ATP2B2: variants seen among roughly 807,000 people sequenced by gnomAD.
ATP2B2 encodes plasma membrane calcium-transporting ATPase 2.
ATP2B2 carries 15 observed loss-of-function variants against 120.0 expected under a neutral mutation model. That is an observed-to-expected ratio of 0.12 (90% confidence interval 0.08 to 0.19). The LOEUF (loss-of-function observed/expected upper bound fraction) is 0.19, where lower values mean the gene tolerates loss of function less well. ATP2B2 is among the 10% of genes least tolerant of loss of function. The probability of loss-of-function intolerance (pLI) is 1.00; values close to 1 mark genes in which losing one functional copy is unlikely to be tolerated. For synonymous variants in ATP2B2, 694 were observed against 700.3 expected, an observed-to-expected ratio of 0.99 and a Z score of 0.14; for missense variants, 1,045 against 1,719.8, an observed-to-expected ratio of 0.61 and a Z score of 6.94.
chr3:10,463,646 G>T (rs542217570), intron 1 of ATP2B2, among the ~76,000 whole-genome samples: 13 of 152,344 alleles, frequency 8.5e-5, no homozygotes, highest in East Asian at 1.9e-4. Context: ...CTGGATCACA[G>T]TGTTACACAG....
intron 12 of ATP2B2, 71 bp downstream of exon 12, chr3:10,371,738 A>G: frequency 6.2e-7 from 1 of 1,611,048 alleles, no homozygotes; most frequent in Non-Finnish European, 8.5e-7. Context: ...ACATTGCTCA[A>G]CCTGCCCAGT....
At chr3:10,636,326 T>C (rs1048903480) in intron 1 of ATP2B2, among the ~76,000 whole-genome samples, 3 of 152,120 alleles carry the variant, frequency 2.0e-5, no homozygotes, top group Admixed American at 2.0e-4. Context: ...GCCTCTCCTC[T>C]TGGGACTTGT....
chr3:10,640,562 C>A (rs2070144077), intron 1 of ATP2B2, among the ~76,000 whole-genome samples: 1 of 152,284 alleles, frequency 6.6e-6, no homozygotes, highest in East Asian at 1.9e-4. Flanking sequence ...TCTCAGGGAT[C>A]TGAGACCTGG....
At chr3:10,336,182 G>A (rs781524123) in intron 22 of ATP2B2, 11 of 1,550,558 alleles carry the variant, frequency 7.1e-6, no homozygotes, top group African/African-American at 4.1e-5. Context: ...ATTGGACAAC[G>A]ACACGCGACT....
intron 2 of ATP2B2, among the ~76,000 whole-genome samples, chr3:10,416,397 A>G (rs376858671): frequency 2.0e-5 from 3 of 152,162 alleles, no homozygotes; most frequent in Admixed American, 6.5e-5. Flanking sequence ...TTTTTAGCCA[A>G]TTCTGGCTCC....
At chr3:10,479,272 T>C (rs959752716) in intron 1 of ATP2B2, among the ~76,000 whole-genome samples, 1 of 151,952 alleles carries the variant, frequency 6.6e-6, no homozygotes, top group Non-Finnish European at 1.5e-5. Context: ...AAGCACTGGG[T>C]GGCCTGGCCT....
At chr3:10,460,083 T>G (rs1292358346) in intron 1 of ATP2B2, among the ~76,000 whole-genome samples, 1 of 152,230 alleles carries the variant, frequency 6.6e-6, no homozygotes, top group Non-Finnish European at 1.5e-5. Flanking sequence ...CCTCTGACCA[T>G]GGAGGGCTGG....
At chr3:10,586,913 C>T (rs1490849867) in intron 2 of ATP2B2, among the ~76,000 whole-genome samples, 1 of 152,206 alleles carries the variant, frequency 6.6e-6, no homozygotes, top group Non-Finnish European at 1.5e-5. Context: ...TCAGTGGGCT[C>T]TCCCCTGGCC....
intron 1 of ATP2B2, among the ~76,000 whole-genome samples, chr3:10,700,830 C>A (rs1646267168): frequency 6.6e-6 from 1 of 152,196 alleles, no homozygotes; most frequent in South Asian, 2.1e-4. Flanking sequence ...ACTCAGAGAA[C>A]CAGACTGAGG....
intron 2 of ATP2B2, among the ~76,000 whole-genome samples, chr3:10,587,747 T>TTTTG (rs71055825): frequency 3.9e-4 from 59 of 150,970 alleles, no homozygotes; most frequent in Non-Finnish European, 5.8e-4. Context: ...TTTCTGGTTT[T>TTTTG]TTTGTTTGTT....
At chr3:10,491,965 T>C (rs553148630) in intron 1 of ATP2B2, among the ~76,000 whole-genome samples, 12 of 152,254 alleles carry the variant, frequency 7.9e-5, no homozygotes, top group East Asian at 5.8e-4. Context: ...CATCCCAGAA[T>C]TGACAAAATA....
chr3:10,658,346 G>C (rs6442190), intron 1 of ATP2B2, among the ~76,000 whole-genome samples: 1 of 152,062 alleles, frequency 6.6e-6, no homozygotes, highest in South Asian at 2.1e-4. Flanking sequence ...AAAACCTTGA[G>C]AAAAGATTAG....
At chr3:10,701,158 TGA>T (rs2071811645) in intron 1 of ATP2B2, among the ~76,000 whole-genome samples, 1 of 152,204 alleles carries the variant, frequency 6.6e-6, no homozygotes, top group Non-Finnish European at 1.5e-5. Context: ...ACTGATTTGC[TGA>T]GAGAGTAGAA....
chr3:10,414,750 G>A (rs57986330), intron 2 of ATP2B2, among the ~76,000 whole-genome samples: 15,308 of 152,058 alleles, frequency 0.1, 2,574 homozygotes, highest in African/African-American at 0.34. Context: ...GTGAGGGGTC[G>A]GCACAGAGCA....
chr3:10,344,555 C>T (rs1171285030), intron 18 of ATP2B2, among the ~76,000 whole-genome samples: 1 of 152,210 alleles, frequency 6.6e-6, no homozygotes, highest in African/African-American at 2.4e-5. Flanking sequence ...ATGGGCTTGT[C>T]TGCCCAGGTG....
intron 6 of ATP2B2, among the ~76,000 whole-genome samples, chr3:10,386,780 C>A (rs1480854475): frequency 1.3e-5 from 2 of 152,170 alleles, no homozygotes; most frequent in Admixed American, 1.3e-4. Context: ...TCTGCCACAT[C>A]CCTTCCACAT....
Position 10,399,522 on chromosome 3 carries a change from T to C in ATP2B2, c.781+1431A>G, listed in dbSNP as rs572188983. 2.6e-5 allele frequency among the ~76,000 whole-genome samples: 4 copies of C among 152,376 alleles called. No individual in the cohort carries two copies. The East Asian group carries it at 7.7e-4, about 29-fold the overall frequency. On this transcript the variant is annotated intron_variant, in intron 5 of 22. Transcript: ENST00000360273. ...TACCATTATCTGAAGTTACCTTGCATATTTGCTTGCTTATTACTTTATTGG... is the reference window on the plus strand; with the variant it reads ...TACCATTATCTGAAGTTACCTTGCACATTTGCTTGCTTATTACTTTATTGG...
intron 6 of ATP2B2, chr3:10,387,927 G>T (rs926986339): frequency 2.6e-5 from 9 of 346,966 alleles, no homozygotes; most frequent in Admixed American, 2.3e-4. Context: ...CCAATGGGTG[G>T]GGATTTCTAC....
chr3:10,334,144 C>A lies in ATP2B2; in HGVS notation c.3420+4032G>T, dbSNP rs76131354. On this transcript the variant is annotated intron_variant, in intron 22 of 22. Transcript: ENST00000360273. ...GAGGGGCTGACTCGGGGACGACTTCCAAAGGCAGTGGGCCTGCCCAGCGAT... is the reference window on the plus strand; with the variant it reads ...GAGGGGCTGACTCGGGGACGACTTCAAAAGGCAGTGGGCCTGCCCAGCGAT... 8.6e-3 allele frequency among the ~76,000 whole-genome samples: 1,316 copies of A among 152,338 alleles called. 19 individuals carry two copies. The highest frequency in any genetic ancestry group is 0.027 in the African/African-American group (1,131 of 41,570).
Sources: gnomAD v4.1 joint callset for allele counts (sites outside exome capture counted in the v4.1 genomes callset) on GRCh38, gnomAD v4.1.1 for gene constraint, MANE v1.5 for transcripts, NCBI Gene and HGNC (gene_info 2026-07-23, HGNC 2026-07-21) for gene names.